The following CACNA1C variants were observed in gnomAD, a reference collection of about 807,000 sequenced individuals.
The protein encoded by CACNA1C is calcium voltage-gated channel subunit alpha1 C, also known as voltage-dependent L-type calcium channel subunit alpha-1C.
CACNA1C carries 30 observed loss-of-function variants against 229.0 expected under a neutral mutation model. That is an observed-to-expected ratio of 0.13 (90% CI 0.10 to 0.18). The LOEUF (loss-of-function observed/expected upper bound fraction) is 0.18, where lower values mean the gene tolerates loss of function less well. CACNA1C is among the 10% of genes least tolerant of loss of function. The probability of loss-of-function intolerance (pLI) is 1.00; values close to 1 mark genes in which losing one functional copy is unlikely to be tolerated. For missense variants in CACNA1C, 1,658 were observed against 2,845.0 expected (o/e 0.58, Z 9.49); for synonymous variants, 1,114 against 1,132.5 (o/e 0.98, Z 0.33).
intron 3 of CACNA1C, among the ~76,000 whole-genome samples, chr12:2,148,635 C>T (rs2283286): frequency 0.04 from 5,994 of 151,222 alleles, 403 homozygotes; most frequent in African/African-American, 0.12. Flanking sequence ...GCAACCTCTG[C>T]CTCCTGGGCT....
At chr12:2,078,018 G>A (rs1321189864) in intron 1 of CACNA1C, among the ~76,000 whole-genome samples, 4 of 152,216 alleles carry the variant, frequency 2.6e-5, no homozygotes, top group African/African-American at 7.2e-5. Context: ...ACTGAATAGT[G>A]TGTGGAAGCA....
chr12:2,429,078 C>T (rs1334914895), intron 3 of CACNA1C, among the ~76,000 whole-genome samples: 1 of 152,082 alleles, frequency 6.6e-6, no homozygotes, highest in Non-Finnish European at 1.5e-5. Flanking sequence ...GTGTTGCCAA[C>T]AGCCTTGGCA....
chr12:1,996,645 AAAAAAAAAAACAAC>A lies in CACNA1C; in HGVS notation c.139+25448_139+25461del, dbSNP rs1257895385. Among the ~76,000 whole-genome samples the A allele has an allele frequency of 3.5e-4, 33 of 93,926 alleles. 2 individuals carry two copies. Among genetic ancestry groups the A allele is most frequent in the African/African-American group, 7.7e-4 (14 of 18,290 alleles). 61.6% of individuals were successfully genotyped at this position (93,926 alleles called of 152,430 possible). ...AAAAAAAAAAAAAAAAAAAAAAAAA[AAAAAAAAAAACAAC>A]AAACTCTTCTAATGTTTTAAAGAAG... On this transcript the variant is annotated intron_variant, in intron 1 of 46. Coordinates refer to the CACNA1C transcript ENST00000682462.
intron 13 of CACNA1C, among the ~76,000 whole-genome samples, chr12:2,572,825 C>G: frequency 8.1e-6 from 1 of 123,902 alleles, no homozygotes; most frequent in Non-Finnish European, 1.7e-5. Context: ...TCCTCCTCCT[C>G]CCCTCCTCCT....
chr12:2,012,596 T>C (rs1332218024), intron 1 of CACNA1C, among the ~76,000 whole-genome samples: 2 of 152,264 alleles, frequency 1.3e-5, no homozygotes, highest in Admixed American at 6.5e-5. Flanking sequence ...TTTGTGCACA[T>C]TGTAAATACA....
chr12:2,019,770 A>T lies in CACNA1C; in HGVS notation c.139+48569A>T, dbSNP rs138045509. ...ATATGTTAAGTATTTTTAAATATGA[A>T]ATATGTACCTACATGTATTTAATAT... On this transcript the variant is annotated intron_variant, in intron 1 of 46. Transcript: ENST00000682462. 1.0e-2 allele frequency among the ~76,000 whole-genome samples: 1,516 copies of T among 152,306 alleles called. 28 individuals carry two copies. The highest frequency in any genetic ancestry group is 0.034 in the African/African-American group (1,415 of 41,558).
intron 3 of CACNA1C, among the ~76,000 whole-genome samples, chr12:2,439,606 T>C (rs1596319546): frequency 6.6e-6 from 1 of 151,810 alleles, no homozygotes; most frequent in East Asian, 1.9e-4. Flanking sequence ...CCCACACCCA[T>C]GTGCTGGGGC....
intron 5 of CACNA1C, among the ~76,000 whole-genome samples, chr12:2,482,290 C>T (rs939071353): frequency 6.6e-6 from 1 of 152,368 alleles, no homozygotes; most frequent in East Asian, 1.9e-4. Context: ...GCTGCAAGCA[C>T]GTGTCACTGC....
chr12:2,693,111 A>G lies in CACNA1C; in HGVS notation c.*1912A>G, dbSNP rs550378693. ...CTTGTGTTTGCTTACATTTCCCTCA[A>G]TTTTTCCAAAATCGTTTGCTGGGTA... On this transcript the variant is annotated 3_prime_UTR_variant, in exon 47 of 47. Coordinates refer to ENST00000399655, the MANE Select transcript of CACNA1C (RefSeq NM_000719.7). 1 of 152,144 alleles carries G rather than the reference A, an allele frequency of 6.6e-6. No individual in the cohort carries two copies. Among genetic ancestry groups the G allele is most frequent in the East Asian group, 1.9e-4 (1 of 5,178 alleles). The allele number at this position is 152,144 out of a possible 1,614,324, so 9.4% of individuals were successfully genotyped here.
chr12:2,528,649 C>T (rs1568240773), intron 9 of CACNA1C, among the ~76,000 whole-genome samples: 2 of 152,188 alleles, frequency 1.3e-5, no homozygotes, highest in Non-Finnish European at 2.9e-5. Context: ...AGCGTTTGTT[C>T]ACAAGGCAGC....
intron 30 of CACNA1C, among the ~76,000 whole-genome samples, chr12:2,638,630 G>A (rs1277784266): frequency 6.6e-6 from 1 of 152,190 alleles, no homozygotes; most frequent in Non-Finnish European, 1.5e-5. Flanking sequence ...ATAGCGTGGA[G>A]CAAAGTTGTG....
At chr12:1,990,059 T>C (rs2038957907) in intron 1 of CACNA1C, among the ~76,000 whole-genome samples, 2 of 152,220 alleles carry the variant, frequency 1.3e-5, no homozygotes, top group Non-Finnish European at 2.9e-5. Context: ...CTGCTAGTAC[T>C]TCACTGCTTG....
intron 3 of CACNA1C, among the ~76,000 whole-genome samples, chr12:2,438,231 TGGTGGG>T (rs1291661977): frequency 7.0e-6 from 1 of 143,044 alleles, no homozygotes; most frequent in Non-Finnish European, 1.5e-5. Flanking sequence ...GTGGTTGTGA[TGGTGGG>T]GATGGTGATG....
chr12:2,537,997 C>T (rs769971057), intron 9 of CACNA1C, among the ~76,000 whole-genome samples: 2 of 152,108 alleles, frequency 1.3e-5, no homozygotes, highest in East Asian at 1.9e-4. Context: ...CCCGCCAACC[C>T]GGCAGCAATA....
intron 38 of CACNA1C, among the ~76,000 whole-genome samples, chr12:2,669,259 A>ATCTT (rs1227549118): frequency 1.2e-4 from 18 of 152,082 alleles, no homozygotes; most frequent in Admixed American, 5.9e-4. Context: ...GGGGTTTCCA[A>ATCTT]TCTTTTGGCT....
chr12:2,563,327 G>C (rs896691678), intron 11 of CACNA1C, among the ~76,000 whole-genome samples: 1 of 152,150 alleles, frequency 6.6e-6, no homozygotes, highest in African/African-American at 2.4e-5. Flanking sequence ...AAATAGTGCC[G>C]CAGTGAACAT....
At chr12:2,266,397 A>C (rs766537427) in intron 3 of CACNA1C, among the ~76,000 whole-genome samples, 1 of 152,230 alleles carries the variant, frequency 6.6e-6, no homozygotes, top group African/African-American at 2.4e-5. Flanking sequence ...GGCATGCTGC[A>C]ACCTCCAACA....
intron 3 of CACNA1C, among the ~76,000 whole-genome samples, chr12:2,355,044 T>G (rs2097316718): frequency 6.6e-6 from 1 of 152,050 alleles, no homozygotes; most frequent in Non-Finnish European, 1.5e-5. Context: ...TGTGTAAGGT[T>G]GGATATTAAA....
Position 2,677,228 on chromosome 12 carries a change from G to A in CACNA1C, c.4956+7G>A, listed in dbSNP as rs1056593208. The A allele has an allele frequency of 8.7e-6, 14 of 1,613,142 alleles. No individual in the cohort carries two copies. The highest frequency in any genetic ancestry group is 1.0e-5 in the Non-Finnish European group (12 of 1,179,570). On this transcript the variant is annotated splice_region_variant and intron_variant, in intron 40 of 46. Transcript: ENST00000399655. The surrounding 1 kb of genome is among the most constrained non-coding windows in gnomAD (Gnocchi z 7.4). ...GAACGCGCTGTCTCTGCAGGTGAGGGCCTGGGGGCGGGCCCACACTCCAGG... is the reference window on the plus strand; with the variant it reads ...GAACGCGCTGTCTCTGCAGGTGAGGACCTGGGGGCGGGCCCACACTCCAGG...
Sources: gnomAD v4.1 joint callset for allele counts (sites outside exome capture counted in the v4.1 genomes callset) on GRCh38, gnomAD v4.1.1 for gene constraint, Gnocchi (gnomAD v3.1) non-coding constraint, MANE v1.5 for transcripts, NCBI Gene and HGNC (gene_info 2026-07-23, HGNC 2026-07-21) for gene names.